SUPT6H: variants seen among roughly 807,000 people sequenced by gnomAD.
SUPT6H encodes SPT6 homolog, histone chaperone and transcription elongation factor.
SUPT6H carries 11 observed loss-of-function variants against 222.3 expected under a neutral mutation model. The observed-to-expected ratio is 0.05, with a 90% CI of 0.03 to 0.08. The LOEUF is 0.08. Ranked by LOEUF, SUPT6H falls within the 10% of genes least tolerant of loss-of-function variation. The pLI is 1.00. For synonymous variants in SUPT6H, 762 were observed against 801.2 expected, an observed-to-expected ratio of 0.95 and a Z score of 0.83; for missense variants, 1,422 against 2,216.0, an observed-to-expected ratio of 0.64 and a Z score of 7.19.
rs139034621 is a variant in SUPT6H, at chr17:28,694,187, T to C, written c.3774+351T>C. On this transcript the variant is annotated intron_variant, in intron 28 of 36. Coordinates refer to ENST00000314616, the MANE Select transcript of SUPT6H (RefSeq NM_003170.5). ...TTCTCCCAAGACCAGGCATCAGCGC[T>C]TTAGAGGGTGGGAAATAATGCATGG... Among the ~76,000 whole-genome samples, 1,464 of 152,278 alleles carry C rather than the reference T, an allele frequency of 9.6e-3. 27 individuals carry two copies. The highest frequency in any genetic ancestry group is 0.033 in the African/African-American group (1,352 of 41,552).
At position 28,690,222 on chromosome 17, in the gene SUPT6H, C is replaced by A; in HGVS notation, c.3483C>A (p.Phe1161Leu). ...TAACCAAAGAAACACCAGAGACCTTCTACATTGGTAAATTCTGGGGTCATT... is the reference window on the plus strand; with the variant it reads ...TAACCAAAGAAACACCAGAGACCTTATACATTGGTAAATTCTGGGGTCATT... Reference protein sequence around the residue: ...NMLTKETPETFYIGKLIICNV... With the variant: ...NMLTKETPETLYIGKLIICNV... Residue 1161 changes from phenylalanine to leucine, a missense_variant, in exon 26 of 37, where the codon TTC becomes TTA. Coordinates refer to ENST00000314616, the MANE Select transcript of SUPT6H (RefSeq NM_003170.5). The A allele has an allele frequency of 6.2e-7, 1 of 1,613,816 alleles. No homozygotes were observed. Among genetic ancestry groups the A allele is most frequent in the Non-Finnish European group, 8.5e-7 (1 of 1,179,918 alleles).
At position 28,689,256 on chromosome 17, in the gene SUPT6H, G is replaced by A. The variant is rs1597711588; in HGVS notation, c.3135-98G>A. 2.8e-6 allele frequency: 3 copies of A among 1,076,416 alleles called. No individual in the cohort carries two copies. The East Asian group carries it at 7.1e-5, about 26-fold the overall frequency. The allele number at this position is 1,076,416 out of a possible 1,614,324, so 66.7% of individuals were successfully genotyped here. A position where few individuals can be genotyped will look rare whatever the true frequency, so the allele number is the denominator to read the frequency against. On this transcript the variant is annotated intron_variant, in intron 24 of 36. Transcript: ENST00000314616. ...GTATAGTATTCCATTGTATGGAGGT[G>A]CCCTAATTTATTTAACCAGTTCCCC...
Position 28,701,514 on chromosome 17 carries a change from G to C in SUPT6H, c.5070G>C (p.Arg1690=). 6.2e-7 allele frequency: 1 copy of C among 1,614,164 alleles called. No individual in the cohort carries two copies. Among genetic ancestry groups the C allele is most frequent in the Non-Finnish European group, 8.5e-7 (1 of 1,180,050 alleles). Reference sequence around the variant, plus strand: ...TGCAGGAAAAGGAGGCAGAACGGCGGAAACAGAAGCAGCGGCTGACACCTC... The same window carrying C: ...TGCAGGAAAAGGAGGCAGAACGGCGCAAACAGAAGCAGCGGCTGACACCTC... ...QWLQEKEAER[R]KQKQRLTPRP... The change falls in exon 37 of 37, where the codon CGG becomes CGC. Residue 1690 remains arginine (R), a synonymous_variant. Coordinates refer to ENST00000314616, the MANE Select transcript of SUPT6H (RefSeq NM_003170.5).
At chr17:28,682,089 A>C (rs1188068759) in intron 13 of SUPT6H, 109 bp downstream of exon 13, 1 of 832,012 alleles carries the variant, frequency 1.2e-6, no homozygotes, top group Non-Finnish European at 1.9e-6. Flanking sequence ...GTCAATCACC[A>C]ATCCAATCCT....
chr17:28,683,284 A>C lies in SUPT6H; in HGVS notation c.1895A>C (p.His632Pro). The change falls in exon 16 of 37, where the codon CAC (histidine) becomes CCC (proline). Residue 632 changes from histidine to proline, a missense_variant. By Grantham distance (77) the His-to-Pro change is moderately conservative. Transcript: ENST00000314616. ...KKGRKDVDEA[H>P]YAYSFKYLKN... ...TGTGTGCAGGATGTGGATGAGGCCC[A>C]CTATGCCTATTCCTTCAAGTATTTA... is the stretch of plus-strand genomic sequence containing the variant. 1 of 1,614,168 alleles carries C rather than the reference A, an allele frequency of 6.2e-7. No individual in the cohort carries two copies. The highest frequency in any genetic ancestry group is 8.5e-7 in the Non-Finnish European group (1 of 1,180,018).
At chr17:28,698,135 TTCTCC>T in intron 32 of SUPT6H, 105 bp downstream of exon 32, 1 of 1,421,160 alleles carries the variant, frequency 7.0e-7, no homozygotes, top group African/African-American at 1.4e-5. Flanking sequence ...TGGACTGCCT[TTCTCC>T]TCTCATCTGT....
In SUPT6H at chr17:28,674,272, A is replaced by T; in HGVS notation, c.110-11A>T. The T allele has an allele frequency of 2.5e-6, 4 of 1,614,068 alleles. No individual in the cohort carries two copies. The highest frequency in any genetic ancestry group is 3.4e-6 in the Non-Finnish European group (4 of 1,180,008). On this transcript the variant is annotated splice_polypyrimidine_tract_variant and intron_variant, in intron 2 of 36. Transcript: ENST00000314616. The stretch of plus-strand genomic sequence containing the variant: ...TTCAGTCTCCATGCCTCAAACATGC[A>T]TGTCTTCCAGATGAGGAGGAGGAGG...
At chr17:28,669,164 A>G (rs1167861810) in intron 1 of SUPT6H, among the ~76,000 whole-genome samples, 1 of 152,264 alleles carries the variant, frequency 6.6e-6, no homozygotes, top group Non-Finnish European at 1.5e-5. Context: ...GTAGTAAACA[A>G]TAATACTTTT....
At chr17:28,684,791 C>T in intron 18 of SUPT6H, 53 bp from the exon 19 acceptor site, 1 of 1,613,226 alleles carries the variant, frequency 6.2e-7, no homozygotes, top group Non-Finnish European at 8.5e-7. Context: ...TTCTCTCATT[C>T]ATAACTTCAT....
chr17:28,666,516 GT>G (rs1179117582), intron 1 of SUPT6H, among the ~76,000 whole-genome samples: 1 of 143,390 alleles, frequency 7.0e-6, no homozygotes, highest in Admixed American at 6.9e-5. Flanking sequence ...CCCTTACCCT[GT>G]TTCTCTAAAG....
intron 17 of SUPT6H, among the ~76,000 whole-genome samples, chr17:28,684,098 A>G (rs2151636577): frequency 6.6e-6 from 1 of 152,188 alleles, no homozygotes; most frequent in South Asian, 2.1e-4. Flanking sequence ...TCCTGAACTC[A>G]TGATCTGCCC....
intron 13 of SUPT6H, among the ~76,000 whole-genome samples, chr17:28,682,470 A>G (rs1410385416): frequency 6.6e-6 from 1 of 152,132 alleles, no homozygotes; most frequent in Non-Finnish European, 1.5e-5. Context: ...TACAGAAAAA[A>G]TTAGCCAGGA....
rs554579156 is a variant in SUPT6H at position 28,683,006 on chromosome 17, C to G, written c.1792C>G (p.Arg598Gly). ...ARYMVALQIA[R>G]EPLVRQVLRQ... ...CTACATGGTAGCCCTGCAGATTGCC[C>G]GTGAGCCCCTTGTCCGGCAGGTGCT... Residue 598 changes from arginine (R) to glycine (G), a missense_variant, in exon 15 of 37, where the codon CGT (arginine) becomes GGT (glycine). Physicochemically the swap from Arg to Gly is moderately radical, Grantham distance 125. Coordinates refer to ENST00000314616, the MANE Select transcript of SUPT6H (RefSeq NM_003170.5). The G allele has an allele frequency of 6.2e-7, 1 of 1,613,926 alleles. No individual in the cohort carries two copies. The highest frequency in any genetic ancestry group is 1.1e-5 in the South Asian group (1 of 91,074).
intron 6 of SUPT6H, 56 bp from the exon 7 acceptor site, chr17:28,676,101 G>T: frequency 2.0e-6 from 3 of 1,527,590 alleles, no homozygotes; most frequent in South Asian, 2.6e-5. Context: ...TGCAAGGGCT[G>T]CATTTCTCTC....
chr17:28,676,547 T>C (rs907887887), intron 7 of SUPT6H, 117 bp downstream of exon 7: 1 of 1,474,372 alleles, frequency 6.8e-7, no homozygotes, highest in African/African-American at 1.4e-5. Flanking sequence ...TCATCTCACC[T>C]GGGGCCTGGG....
At position 28,696,868 on chromosome 17, in the gene SUPT6H, A is replaced by C; in HGVS notation, c.3995A>C (p.His1332Pro). Residue 1332 changes from histidine to proline, a missense_variant, in exon 30 of 37, where the codon CAC (histidine) becomes CCC (proline). His to Pro is a moderately conservative substitution (Grantham distance 77). Around this residue, in one of 13 missense-constraint regions of SUPT6H, gnomAD observed 395 missense variants for 580.6 expected, o/e 0.68. Coordinates refer to ENST00000314616, the MANE Select transcript of SUPT6H (RefSeq NM_003170.5). ...GCATACATCAAGAGAGTGATCGCACACCCATCCTTCCATAATATCAATTTC... is the reference window on the plus strand; with the variant it reads ...GCATACATCAAGAGAGTGATCGCACCCCCATCCTTCCATAATATCAATTTC... ...RTTYIKRVIA[H>P]PSFHNINFKQ... 1 of 1,614,006 alleles carries C rather than the reference A, an allele frequency of 6.2e-7. No individual in the cohort carries two copies. The highest frequency in any genetic ancestry group is 8.5e-7 in the Non-Finnish European group (1 of 1,180,000).
At chr17:28,665,722 C>G (rs1361627993) in intron 1 of SUPT6H, among the ~76,000 whole-genome samples, 3 of 152,230 alleles carry the variant, frequency 2.0e-5, no homozygotes, top group South Asian at 2.1e-4. Context: ...GAGATCGTGC[C>G]ACTACACTCC....
chr17:28,694,485 G>A (rs554383244), intron 28 of SUPT6H, among the ~76,000 whole-genome samples: 27 of 152,324 alleles, frequency 1.8e-4, no homozygotes, highest in Middle Eastern at 3.4e-3. Context: ...TGATATAGCT[G>A]ATAGCAGCTC....
rs1219610565 is a variant in SUPT6H at position 28,687,104 on chromosome 17, A to G, written c.2717A>G (p.Tyr906Cys). 1.2e-6 allele frequency: 2 copies of G among 1,613,418 alleles called. No homozygotes were observed. Among genetic ancestry groups the G allele is most frequent in the Non-Finnish European group, 1.7e-6 (2 of 1,180,040 alleles). ...TGACTCTAGGCAGAGTTCCGGGATT[A>G]TCCTCCAGTGCTGAGACAGGCCGTC... is the stretch of plus-strand genomic sequence containing the variant. ...SKKSEAEFRD[Y>C]PPVLRQAVSL... The change falls in exon 22 of 37, where the codon TAT becomes TGT. Residue 906 changes from tyrosine to cysteine, a missense_variant. By Grantham distance (194) the Tyr-to-Cys change is radical. Transcript: ENST00000314616.
Sources: gnomAD v4.1 joint callset for allele counts (sites outside exome capture counted in the v4.1 genomes callset) on GRCh38, gnomAD v4.1.1 for gene constraint, gnomAD v4.1.1 regional missense constraint, MANE v1.5 for transcripts, NCBI Gene and HGNC (gene_info 2026-07-23, HGNC 2026-07-21) for gene names.